The following CFAP70 variants were observed in gnomAD, a reference collection of about 807,000 sequenced individuals.
CFAP70 encodes the protein cilia and flagella associated protein 70.
Under a neutral mutation model 137.6 loss-of-function variants are expected in CFAP70, and 81 were observed. The observed-to-expected ratio is 0.59, with a 90% CI of 0.49 to 0.71. The LOEUF (loss-of-function observed/expected upper bound fraction) is 0.71. CFAP70 is among the 30% of genes least tolerant of loss of function. CFAP70 has a pLI of 0.00. For missense variants in CFAP70, 976 were observed against 1,226.7 expected, an observed-to-expected ratio of 0.80 and a Z score of 3.05; for synonymous variants, 382 against 423.6, an observed-to-expected ratio of 0.90 and a Z score of 1.20.
exon 3 of CFAP70, chr10:73,353,680 C>G: frequency 1.2e-6 from 2 of 1,614,128 alleles, no homozygotes; most frequent in East Asian, 4.5e-5. Context: ...CAGAGTCTCC[C>G]AGAACCACTT....
chr10:73,270,533 T>TCCCCTCTCCCCTCCCCTCCCCTC, intron 24 of CFAP70, among the ~76,000 whole-genome samples: 1 of 52,462 alleles, frequency 1.9e-5, no homozygotes. Context: ...CCCCCTCCCC[T>TCCCCTCTCCCCTCCCCTCCCCTC]CCCCTCCCCT....
intron 6 of CFAP70, among the ~76,000 whole-genome samples, 197 bp downstream of exon 7, chr10:73,341,202 A>T (rs184924868): frequency 2.1e-4 from 32 of 152,354 alleles, no homozygotes; most frequent in Non-Finnish European, 2.8e-4. Flanking sequence ...TAAAGAGTAC[A>T]TGTGATATAA....
intron 3 of CFAP70, among the ~76,000 whole-genome samples, chr10:73,351,043 A>ATG (rs1564889478): frequency 5.4e-5 from 5 of 92,068 alleles, no homozygotes; most frequent in African/African-American, 1.7e-4. Context: ...ATGTGTGTAT[A>ATG]TATGTGTGTG....
rs116127568 is a variant in CFAP70, at chr10:73,305,311, T to A, written c.1256+4847A>T. 1.9e-3 allele frequency among the ~76,000 whole-genome samples: 291 copies of A among 152,328 alleles called. 2 individuals are homozygous for A. Among genetic ancestry groups the A allele is most frequent in the African/African-American group, 6.8e-3 (281 of 41,576 alleles). ...GGCAAAGCATTATGGTTGAGACATATAATAGACCACCTAAAGCCTGAGAAG... is the reference window on the plus strand; with the variant it reads ...GGCAAAGCATTATGGTTGAGACATAAAATAGACCACCTAAAGCCTGAGAAG... On this transcript the variant is annotated intron_variant, in intron 12 of 26. Transcript: ENST00000310715.
intron 24 of CFAP70, 131 bp downstream of exon 25, chr10:73,272,797 C>T: frequency 1.2e-6 from 1 of 809,508 alleles, no homozygotes; most frequent in Non-Finnish European, 2.1e-6. Context: ...CTTTGAAGAA[C>T]AACTTTTCAT....
At position 73,351,876 on chromosome 10, in the gene CFAP70, C is replaced by T. The variant is rs375454820; in HGVS notation, c.250+1680G>A. ...TTCAGCTGGCTTTTTCCAACACCAC[C>T]CCAAAAGGGGAAGGAAGGAGATGCT... is the stretch of plus-strand genomic sequence containing the variant. On this transcript the variant is annotated intron_variant, in intron 3 of 26. Transcript: ENST00000310715. Among the ~76,000 whole-genome samples the T allele has an allele frequency of 1.6e-4, 24 of 152,352 alleles. No individual in the cohort carries two copies. The South Asian group carries it at 5.0e-3, about 32-fold the overall frequency.
intron 7 of CFAP70, among the ~76,000 whole-genome samples, chr10:73,335,090 G>GTTTTTTTTTTTTT (rs1230846924): frequency 4.4e-4 from 64 of 145,204 alleles, no homozygotes; most frequent in African/African-American, 1.6e-3. Flanking sequence ...TGTGAGCCAG[G>GTTTTTTTTTTTTT]GTCTTACTTT....
At chr10:73,322,885 T>C (rs1204013113) in intron 9 of CFAP70, 78 bp downstream of exon 10, 1 of 1,284,576 alleles carries the variant, frequency 7.8e-7, no homozygotes, top group Non-Finnish European at 1.1e-6. Context: ...GTTGCAAAGA[T>C]GTATATGCTA....
chr10:73,279,548 AATAAATAAATAAATAAATAAATAT>A (rs2047094576), intron 19 of CFAP70, among the ~76,000 whole-genome samples: 1 of 147,862 alleles, frequency 6.8e-6, no homozygotes, highest in Admixed American at 6.7e-5. Flanking sequence ...TAAATAAATA[AATAAATAAATAAATAAATAAATAT>A]AAGAAGTTGG....
intron 2 of CFAP70, 75 bp from the exon 3 acceptor site, chr10:73,353,817 G>T (rs1490182602): frequency 4.9e-6 from 7 of 1,431,198 alleles, no homozygotes; most frequent in South Asian, 3.7e-5. Context: ...AACCCATTTT[G>T]ATTTGGGCTA....
chr10:73,361,254 A>C (rs2054993361), upstream of CFAP70, among the ~76,000 whole-genome samples: 1 of 151,242 alleles, frequency 6.6e-6, no homozygotes, highest in African/African-American at 2.4e-5. Flanking sequence ...TCAGCCGCCT[A>C]AAGTGCTGGG....
intron 2 of CFAP70, among the ~76,000 whole-genome samples, chr10:73,354,383 A>G (rs372789185): frequency 2.5e-3 from 375 of 152,216 alleles, no homozygotes; most frequent in African/African-American, 8.5e-3. Flanking sequence ...AGTACATCAC[A>G]TTGTTGTTGT....
At chr10:73,321,631 T>C (rs993719591) in intron 9 of CFAP70, among the ~76,000 whole-genome samples, 1 of 152,088 alleles carries the variant, frequency 6.6e-6, no homozygotes, top group African/African-American at 2.4e-5. Flanking sequence ...GGAAGCAACA[T>C]GATGAAACTG....
At chr10:73,329,821 C>A (rs1386033777) in intron 8 of CFAP70, among the ~76,000 whole-genome samples, 2 of 152,110 alleles carry the variant, frequency 1.3e-5, no homozygotes. Flanking sequence ...GGTGTTTTAG[C>A]ATAGTTGGCT....
At chr10:73,307,349 A>C (rs1375391002) in intron 12 of CFAP70, among the ~76,000 whole-genome samples, 4 of 152,228 alleles carry the variant, frequency 2.6e-5, no homozygotes, top group African/African-American at 9.6e-5. Flanking sequence ...TGGCAGAAGT[A>C]AATCCTTCTC....
At chr10:73,264,760 C>T (rs1349376562) in intron 25 of CFAP70, among the ~76,000 whole-genome samples, 1 of 152,188 alleles carries the variant, frequency 6.6e-6, no homozygotes, top group African/African-American at 2.4e-5. Flanking sequence ...TATTTTTCTG[C>T]ATTGTCAGTC....
At chr10:73,274,326 A>C (rs540862248) in intron 23 of CFAP70, 107 bp downstream of exon 24, 1 of 1,263,664 alleles carries the variant, frequency 7.9e-7, no homozygotes, top group South Asian at 1.6e-5. Context: ...TGGATGTAAA[A>C]GTGTCATTAT....
At chr10:73,271,891 G>T (rs994134864) in intron 24 of CFAP70, among the ~76,000 whole-genome samples, 2 of 152,080 alleles carry the variant, frequency 1.3e-5, no homozygotes, top group African/African-American at 4.8e-5. Flanking sequence ...GTAGAGATGG[G>T]GGTCTTGCTC....
intron 8 of CFAP70, 121 bp from the exon 10 acceptor site, chr10:73,323,218 T>G (rs1341592177): frequency 6.4e-6 from 6 of 930,262 alleles, no homozygotes; most frequent in Non-Finnish European, 9.0e-6. Context: ...TAGCCAGTTA[T>G]GTGACTTTGG....
Sources: allele counts gnomAD v4.1 joint callset (sites outside exome capture counted in the v4.1 genomes callset), GRCh38; gene constraint gnomAD v4.1.1; transcripts MANE v1.5; gene names NCBI Gene and HGNC (gene_info 2026-07-23, HGNC 2026-07-21).